LRBA: variants seen among roughly 807,000 people sequenced by gnomAD.
LRBA encodes lipopolysaccharide-responsive and beige-like anchor protein.
Under a neutral mutation model 330.0 loss-of-function variants are expected in LRBA, and 176 were observed. The ratio of observed to expected loss-of-function variants is 0.53; its 90% CI spans 0.47 to 0.60. The LOEUF (loss-of-function observed/expected upper bound fraction) is 0.60, where lower values mean the gene tolerates loss of function less well. Ranked by LOEUF, LRBA falls within the 20% of genes least tolerant of loss-of-function variation. The pLI is 0.00. For missense variants in LRBA, 3,259 were observed against 3,444.8 expected (o/e 0.95, Z 1.35); for synonymous variants, 1,230 against 1,193.0 (o/e 1.03, Z -0.64).
chr4:150,658,485 A>C, intron 37 of LRBA, among the ~76,000 whole-genome samples: 1 of 125,498 alleles, frequency 8.0e-6, no homozygotes, highest in Non-Finnish European at 1.7e-5. Flanking sequence ...AAAACTTGAA[A>C]AACCTATCAG....
At chr4:150,877,421 A>G (rs1754171485) in intron 17 of LRBA, among the ~76,000 whole-genome samples, 1 of 152,224 alleles carries the variant, frequency 6.6e-6, no homozygotes, top group East Asian at 1.9e-4. Context: ...TCAAGAGTTA[A>G]AAAGGACAAA....
intron 37 of LRBA, among the ~76,000 whole-genome samples, chr4:150,612,701 C>A (rs1464888907): frequency 6.6e-6 from 1 of 152,148 alleles, no homozygotes; most frequent in Non-Finnish European, 1.5e-5. Context: ...GTGGAAAGAA[C>A]TGGTTGAGGT....
intron 55 of LRBA, among the ~76,000 whole-genome samples, chr4:150,278,528 G>C (rs955931913): frequency 3.3e-5 from 5 of 152,158 alleles, no homozygotes; most frequent in African/African-American, 1.2e-4. Context: ...ACAACTTCCA[G>C]GGTGATTAAA....
intron 37 of LRBA, among the ~76,000 whole-genome samples, chr4:150,627,332 G>A (rs150481580): frequency 3.0e-4 from 45 of 151,794 alleles, no homozygotes; most frequent in African/African-American, 1.0e-3. Context: ...ATATTCTAAG[G>A]TACTTTGACA....
rs961239856 is a variant in LRBA, at chr4:150,790,256, C to T, written c.5580+7825G>A. ...GCCACAGGGTGTACTGCCAGTTCCA[C>T]AAAATTTACCTCAAAGGTTGTGTTT... On this transcript the variant is annotated intron_variant, in intron 34 of 56. Coordinates refer to ENST00000651943, the MANE Select transcript of LRBA (RefSeq NM_001364905.1). Among the ~76,000 whole-genome samples the T allele has an allele frequency of 2.0e-5, 3 of 152,196 alleles. No homozygotes were observed. The East Asian group carries it at 5.8e-4, about 29-fold the overall frequency.
chr4:150,596,114 TG>T (rs1349389025), intron 38 of LRBA, among the ~76,000 whole-genome samples: 2 of 152,048 alleles, frequency 1.3e-5, no homozygotes, highest in African/African-American at 2.4e-5. Flanking sequence ...ATAACCACTT[TG>T]GAGGGTCTCT....
chr4:150,490,766 T>C (rs1255582792), intron 41 of LRBA, 152 bp downstream of exon 41: 1 of 432,880 alleles, frequency 2.3e-6, no homozygotes, highest in African/African-American at 2.0e-5. Context: ...GAAAAAACCA[T>C]GAAGAAGCAT....
At chr4:150,949,242 C>G (rs1446293137) in intron 2 of LRBA, among the ~76,000 whole-genome samples, 1 of 152,004 alleles carries the variant, frequency 6.6e-6, no homozygotes, top group Non-Finnish European at 1.5e-5. Flanking sequence ...ACATCCATAC[C>G]ATAAAATACT....
intron 2 of LRBA, among the ~76,000 whole-genome samples, chr4:150,946,470 A>T (rs1015632149): frequency 6.6e-6 from 1 of 152,196 alleles, no homozygotes; most frequent in Non-Finnish European, 1.5e-5. Flanking sequence ...AAAGATAAAG[A>T]TCACAGAAAA....
chr4:150,628,508 A>T (rs1777060726), intron 37 of LRBA, among the ~76,000 whole-genome samples: 1 of 152,226 alleles, frequency 6.6e-6, no homozygotes, highest in Admixed American at 6.5e-5. Flanking sequence ...CAACGATATT[A>T]CTGAGTTCAT....
At position 150,828,532 on chromosome 4, in the gene LRBA, T is replaced by C. The variant is rs768764354; in HGVS notation, c.4819A>G (p.Ile1607Val). ...AAACCAGTGGCTGTTTCTTCCCCAA[T>C]GCCTGAGTCCCTCCTTCGAGCAGAT... ...TSSARRRDSG[I>V]GEETATGLGS... The change falls in exon 30 of 57, where the codon ATT becomes GTT. Residue 1607 changes from isoleucine (I) to valine (V), a missense_variant. Ile to Val is a conservative substitution (Grantham distance 29). Transcript: ENST00000651943. 6.2e-7 allele frequency: 1 copy of C among 1,614,148 alleles called. No individual in the cohort carries two copies. The highest frequency in any genetic ancestry group is 1.1e-5 in the South Asian group (1 of 91,086).
chr4:150,339,636 A>G (rs1204251014), intron 48 of LRBA, among the ~76,000 whole-genome samples: 2 of 152,162 alleles, frequency 1.3e-5, no homozygotes, highest in Non-Finnish European at 2.9e-5. Flanking sequence ...TTTGGGGTCC[A>G]TAATTCCAGA....
intron 47 of LRBA, among the ~76,000 whole-genome samples, chr4:150,373,168 T>TGAGAGAGAGAGA (rs1367151216): frequency 2.2e-4 from 24 of 111,542 alleles, no homozygotes; most frequent in African/African-American, 6.4e-4. Context: ...TGTGTGTGTG[T>TGAGAGAGAGAGA]GTGTGAGAGA....
At chr4:150,639,791 G>GTA (rs1159678626) in intron 37 of LRBA, among the ~76,000 whole-genome samples, 1 of 5,646 alleles carries the variant, frequency 1.8e-4, no homozygotes, top group African/African-American at 2.5e-4. Context: ...ATGTGTGTGT[G>GTA]TATATATATA....
intron 34 of LRBA, among the ~76,000 whole-genome samples, chr4:150,790,088 T>C (rs1161146509): frequency 1.3e-5 from 2 of 152,228 alleles, no homozygotes; most frequent in African/African-American, 4.8e-5. Flanking sequence ...TTCCATTTCA[T>C]TGAATACCCC....
chr4:150,804,434 C>G (rs1742244282), intron 33 of LRBA, among the ~76,000 whole-genome samples: 1 of 152,132 alleles, frequency 6.6e-6, no homozygotes, highest in Admixed American at 6.6e-5. Context: ...GCTCATATTG[C>G]ACAGTTAATA....
chr4:150,363,721 G>A (rs1739045256), intron 47 of LRBA, among the ~76,000 whole-genome samples: 1 of 152,196 alleles, frequency 6.6e-6, no homozygotes, highest in South Asian at 2.1e-4. Context: ...CCAAAGGGCA[G>A]GTGTCACAGT....
intron 47 of LRBA, among the ~76,000 whole-genome samples, chr4:150,403,906 C>T (rs1422673993): frequency 4.6e-5 from 7 of 151,966 alleles, no homozygotes; most frequent in African/African-American, 1.7e-4. Context: ...GTGGTGAGTG[C>T]CTGTAGTCCC....
intron 17 of LRBA, among the ~76,000 whole-genome samples, chr4:150,882,495 G>A (rs1018605422): frequency 3.3e-5 from 5 of 152,116 alleles, no homozygotes; most frequent in Non-Finnish European, 5.9e-5. Flanking sequence ...AAAGAAAAGT[G>A]TAAGGGAGAT....
Sources: allele counts gnomAD v4.1 joint callset (sites outside exome capture counted in the v4.1 genomes callset), GRCh38; gene constraint gnomAD v4.1.1; transcripts MANE v1.5; gene names NCBI Gene and HGNC (gene_info 2026-07-23, HGNC 2026-07-21).